FBXL17: variants seen among roughly 807,000 people sequenced by gnomAD.
FBXL17 encodes F-box/LRR-repeat protein 17.
Under a neutral mutation model 66.2 loss-of-function variants are expected in FBXL17, and 22 were observed. The ratio of observed to expected loss-of-function variants is 0.33; its 90% CI spans 0.24 to 0.47. FBXL17 has a LOEUF of 0.47. Among genes scored for constraint, FBXL17 ranks in the 20% least tolerant of loss-of-function variants. FBXL17 has a pLI of 1.00. For synonymous variants in FBXL17, 474 were observed against 400.5 expected, an observed-to-expected ratio of 1.18 and a Z score of -2.19; for missense variants, 878 against 948.2, an observed-to-expected ratio of 0.93 and a Z score of 0.97.
intron 6 of FBXL17, among the ~76,000 whole-genome samples, chr5:108,086,660 G>A (rs1748983048): frequency 6.6e-6 from 1 of 152,144 alleles, no homozygotes; most frequent in Non-Finnish European, 1.5e-5. Context: ...CTGGGTTCAA[G>A]TGATTCTCCT....
chr5:107,946,469 T>C (rs1243401449), intron 7 of FBXL17, among the ~76,000 whole-genome samples: 4 of 146,398 alleles, frequency 2.7e-5, no homozygotes, highest in Non-Finnish European at 4.5e-5. Context: ...ATTATTATTA[T>C]TATTATTATT....
chr5:107,896,701 T>A (rs1314249949), intron 7 of FBXL17, among the ~76,000 whole-genome samples: 1 of 152,146 alleles, frequency 6.6e-6, no homozygotes, highest in Non-Finnish European at 1.5e-5. Flanking sequence ...CAAGAAAAAG[T>A]TGAATTGCTT....
chr5:107,936,262 T>G (rs1164546377), intron 7 of FBXL17, among the ~76,000 whole-genome samples: 1 of 152,250 alleles, frequency 6.6e-6, no homozygotes, highest in Non-Finnish European at 1.5e-5. Flanking sequence ...ATCATGTATC[T>G]TCAAAGTTTA....
intron 7 of FBXL17, among the ~76,000 whole-genome samples, chr5:107,899,190 T>C (rs1307931705): frequency 6.6e-6 from 1 of 152,248 alleles, no homozygotes; most frequent in Non-Finnish European, 1.5e-5. Context: ...TATCTCATTG[T>C]GGTTTTGATT....
At chr5:108,136,578 AAC>A (rs1328377088) in intron 6 of FBXL17, among the ~76,000 whole-genome samples, 2 of 152,286 alleles carry the variant, frequency 1.3e-5, no homozygotes, top group East Asian at 3.9e-4. Flanking sequence ...AATCCATACA[AAC>A]ACACAGTGTG....
intron 7 of FBXL17, among the ~76,000 whole-genome samples, chr5:107,961,875 C>T (rs1438061989): frequency 6.6e-6 from 1 of 151,988 alleles, no homozygotes; most frequent in African/African-American, 2.4e-5. Context: ...GGAACACAGG[C>T]TAGGAGACAG....
intron 6 of FBXL17, among the ~76,000 whole-genome samples, chr5:108,144,769 T>C (rs1751492813): frequency 6.6e-6 from 1 of 152,158 alleles, no homozygotes; most frequent in South Asian, 2.1e-4. Context: ...AATTAAATCA[T>C]AATAGGAATG....
chr5:108,357,603 AT>A lies in FBXL17; in HGVS notation c.1374+7134del, dbSNP rs1369955196. On this transcript the variant is annotated intron_variant, in intron 3 of 8. Transcript: ENST00000542267. ...CAGGCCATAAAACACACATTCACAA[AT>A]TTAAAAGAATAAAAATTATACAATG... Among the ~76,000 whole-genome samples the A allele has an allele frequency of 2.6e-5, 4 of 152,214 alleles. No individual in the cohort carries two copies. The East Asian group carries it at 7.7e-4, about 29-fold the overall frequency.
intron 4 of FBXL17, among the ~76,000 whole-genome samples, chr5:108,246,275 A>G (rs1756091895): frequency 6.6e-6 from 1 of 152,190 alleles, no homozygotes; most frequent in Non-Finnish European, 1.5e-5. Context: ...CCAAGGTGGG[A>G]GGATCACTTG....
At chr5:107,935,605 G>C (rs1750879420) in intron 7 of FBXL17, among the ~76,000 whole-genome samples, 1 of 152,064 alleles carries the variant, frequency 6.6e-6, no homozygotes. Flanking sequence ...TACTTTAGGA[G>C]CAACAATAGA....
intron 7 of FBXL17, among the ~76,000 whole-genome samples, chr5:107,978,078 C>T (rs10040110): frequency 0.54 from 82,656 of 151,962 alleles, 22,695 homozygotes; most frequent in East Asian, 0.63. Context: ...AGTCAGCCTG[C>T]AGTGGGACCC....
intron 6 of FBXL17, among the ~76,000 whole-genome samples, chr5:108,179,204 C>T (rs1038152964): frequency 2.6e-5 from 4 of 152,194 alleles, no homozygotes; most frequent in Non-Finnish European, 4.4e-5. Context: ...CAAATCCTCT[C>T]TGAACTTTAT....
At chr5:108,264,503 T>C (rs1471622018) in intron 4 of FBXL17, among the ~76,000 whole-genome samples, 2 of 152,184 alleles carry the variant, frequency 1.3e-5, no homozygotes, top group African/African-American at 2.4e-5. Context: ...AACAGGATGG[T>C]TCCTGTCTCT....
chr5:108,040,284 G>A (rs930258680), intron 6 of FBXL17, among the ~76,000 whole-genome samples: 1 of 152,102 alleles, frequency 6.6e-6, no homozygotes, highest in Non-Finnish European at 1.5e-5. Flanking sequence ...CTTGCTTTGG[G>A]AAGGATCTGG....
intron 7 of FBXL17, among the ~76,000 whole-genome samples, chr5:107,904,351 T>C (rs1181969385): frequency 6.6e-6 from 1 of 152,046 alleles, no homozygotes; most frequent in Non-Finnish European, 1.5e-5. Context: ...AACTCTACCA[T>C]CTCTTTCAGC....
intron 6 of FBXL17, among the ~76,000 whole-genome samples, chr5:108,156,316 A>G (rs924850565): frequency 6.6e-6 from 1 of 152,156 alleles, no homozygotes; most frequent in East Asian, 1.9e-4. Flanking sequence ...TTGAGTTCAT[A>G]AAATTAATTG....
intron 6 of FBXL17, among the ~76,000 whole-genome samples, chr5:108,143,065 T>C (rs1282831845): frequency 1.3e-5 from 2 of 151,814 alleles, no homozygotes; most frequent in African/African-American, 2.4e-5. Flanking sequence ...CTAGGTTGCA[T>C]GCCCCTTATA....
At chr5:108,061,315 T>C (rs1747911977) in intron 6 of FBXL17, among the ~76,000 whole-genome samples, 1 of 151,914 alleles carries the variant, frequency 6.6e-6, no homozygotes, top group African/African-American at 2.4e-5. Context: ...ATTCCTTATT[T>C]CCTATTAATC....
intron 4 of FBXL17, among the ~76,000 whole-genome samples, chr5:108,278,206 AC>A (rs1467524065): frequency 6.6e-6 from 1 of 152,134 alleles, no homozygotes; most frequent in Admixed American, 6.5e-5. Flanking sequence ...TGACCCTCCA[AC>A]CCCCAAATCT....
Sources: gnomAD v4.1 joint callset for allele counts (sites outside exome capture counted in the v4.1 genomes callset) on GRCh38, gnomAD v4.1.1 for gene constraint, MANE v1.5 for transcripts, NCBI Gene and HGNC (gene_info 2026-07-23, HGNC 2026-07-21) for gene names.